CHEK2: variants seen among roughly 807,000 people sequenced by gnomAD.
CHEK2 encodes the protein serine/threonine-protein kinase Chk2.
In CHEK2, 71 loss-of-function variants were observed where a neutral mutation model predicts 69.1. That is an observed-to-expected ratio of 1.03 (90% CI 0.85 to 1.25). The LOEUF is 1.25. CHEK2 is among the 50% of genes most tolerant of loss of function. CHEK2 has a pLI of 0.00. For missense variants in CHEK2, 664 were observed against 649.6 expected (o/e 1.02, Z -0.24); for synonymous variants, 189 against 226.9 (o/e 0.83, Z 1.50).
chr22:28,730,782 C>T lies in CHEK2; in HGVS notation c.319+3621G>A, dbSNP rs112976408. ...CTGAGGCAGGAGAATCGCTTGAAAC[C>T]GGGAGGAGGAGGTTGCGGTGAGCCG... On this transcript the variant is annotated intron_variant, in intron 2 of 14. Transcript: ENST00000404276. Among the ~76,000 whole-genome samples, 7,871 of 152,020 alleles carry T rather than the reference C, an allele frequency of 0.052. 256 individuals are homozygous for T. Among genetic ancestry groups the T allele is most frequent in the African/African-American group, 0.092 (3,801 of 41,478 alleles).
At chr22:28,723,461 G>C (rs1359740024) in intron 4 of CHEK2, among the ~76,000 whole-genome samples, 1 of 151,956 alleles carries the variant, frequency 6.6e-6, no homozygotes, top group Non-Finnish European at 1.5e-5. Flanking sequence ...AGGTGGGCGT[G>C]GTGGCGGGCG....
In CHEK2 at chr22:28,725,340, C is replaced by G. The variant is rs745943179; in HGVS notation, c.347G>C (p.Gly116Ala). 6.2e-7 allele frequency: 1 copy of G among 1,614,078 alleles called. No homozygotes were observed. ...GCAATATTCACAGCTTTTGTCCCTC[C>G]CAAACCAGTAGTTGTCATTCACACA... ...LECVNDNYWFGRDKSCEYCFD... is the reference protein window; with the variant it reads ...LECVNDNYWFARDKSCEYCFD... Residue 116 changes from glycine (G) to alanine (A), a missense_variant, in exon 3 of 15, where the codon GGG (glycine) becomes GCG (alanine). Gly to Ala is a moderately conservative substitution (Grantham distance 60, BLOSUM62 0). Transcript: ENST00000404276.
intron 2 of CHEK2, 50 bp downstream of exon 2, chr22:28,734,353 G>T (rs771904258): frequency 3.2e-6 from 5 of 1,572,032 alleles, no homozygotes; most frequent in Admixed American, 1.7e-5. Flanking sequence ...ACAACTTTCT[G>T]TAAGTGTTTT....
At chr22:28,696,855 A>G in intron 10 of CHEK2, 46 bp downstream of exon 10, 1 of 1,276,574 alleles carries the variant, frequency 7.8e-7, no homozygotes, top group Non-Finnish European at 1.1e-6. Flanking sequence ...AAGTTTCTGA[A>G]CAAGAATCTA....
At chr22:28,696,283 T>A (rs1359842053) in intron 10 of CHEK2, among the ~76,000 whole-genome samples, 2 of 152,158 alleles carry the variant, frequency 1.3e-5, no homozygotes, top group African/African-American at 2.4e-5. Context: ...GCTTCTGAGG[T>A]AAAGCCTGGG....
At chr22:28,738,534 T>A (rs2054477946) in intron 1 of CHEK2, among the ~76,000 whole-genome samples, 1 of 152,184 alleles carries the variant, frequency 6.6e-6, no homozygotes, top group Non-Finnish European at 1.5e-5. Flanking sequence ...AAGTGACGCA[T>A]GTAATACTCC....
At chr22:28,714,482 G>A (rs745596381) in intron 5 of CHEK2, among the ~76,000 whole-genome samples, 1 of 152,090 alleles carries the variant, frequency 6.6e-6, no homozygotes, top group Admixed American at 6.6e-5. Context: ...TTAAATGGCA[G>A]GTTGTTTGTT....
chr22:28,726,598 A>G (rs1264788565), intron 2 of CHEK2, among the ~76,000 whole-genome samples: 1 of 146,626 alleles, frequency 6.8e-6, no homozygotes, highest in Admixed American at 7.0e-5. Context: ...ATCTATTAAT[A>G]TATGTATTTA....
At chr22:28,712,961 G>A (rs968619114) in intron 5 of CHEK2, among the ~76,000 whole-genome samples, 21 of 152,250 alleles carry the variant, frequency 1.4e-4, no homozygotes, top group Admixed American at 1.0e-3. Flanking sequence ...AAGCAATTAA[G>A]CAGTCACTCC....
At chr22:28,706,168 G>C (rs1019353751) in intron 7 of CHEK2, among the ~76,000 whole-genome samples, 17 of 151,926 alleles carry the variant, frequency 1.1e-4, no homozygotes, top group Non-Finnish European at 2.4e-4. Context: ...GAGTGTGGTA[G>C]CACGAACCTG....
At position 28,725,418 on chromosome 22, in the gene CHEK2, C is replaced by T. The variant is rs760235890; in HGVS notation, c.320-51G>A. On this transcript the variant is annotated intron_variant, in intron 2 of 14. Coordinates refer to ENST00000404276, the MANE Select transcript of CHEK2 (RefSeq NM_007194.4). ...GGGCTGTTGAATTTCATGTATCAAA[C>T]GTTTAAAAATTGCTCATAAATGCTA... The T allele has an allele frequency of 1.7e-5, 28 of 1,611,586 alleles. No individual in the cohort carries two copies. In the East Asian group the frequency reaches 3.3e-4, roughly 19 times the overall value.
At chr22:28,716,199 CT>C (rs202194670) in intron 5 of CHEK2, among the ~76,000 whole-genome samples, 48,273 of 135,914 alleles carry the variant, frequency 0.36, 8,515 homozygotes, top group African/African-American at 0.46. Flanking sequence ...TCTTTTTTCT[CT>C]TTTTTTTTTT....
In CHEK2 at chr22:28,730,104, A is replaced by G. The variant is rs558059196; in HGVS notation, c.319+4299T>C. Among the ~76,000 whole-genome samples, 4 of 149,856 alleles carry G rather than the reference A, an allele frequency of 2.7e-5. No homozygotes were observed. The East Asian group carries it at 7.9e-4, about 29-fold the overall frequency. On this transcript the variant is annotated intron_variant, in intron 2 of 14. Transcript: ENST00000404276. ...GTGATCCGCCCACCTCAGCCTCCCA[A>G]AGTGCTTGGATTACAGGCATGAGCC... is the stretch of plus-strand genomic sequence containing the variant.
At chr22:28,711,122 T>C (rs1601780483) in intron 6 of CHEK2, among the ~76,000 whole-genome samples, 1 of 152,226 alleles carries the variant, frequency 6.6e-6, no homozygotes, top group Admixed American at 6.5e-5. Context: ...TTAGAGGCTG[T>C]GTTTTACATT....
intron 4 of CHEK2, among the ~76,000 whole-genome samples, chr22:28,722,974 C>T (rs16986649): frequency 0.012 from 1,821 of 152,220 alleles, 49 homozygotes; most frequent in African/African-American, 0.041. Context: ...AGACACCCTC[C>T]AAGTCATTCG....
intron 8 of CHEK2, among the ~76,000 whole-genome samples, chr22:28,700,759 T>C (rs941458522): frequency 6.6e-6 from 1 of 152,178 alleles, no homozygotes; most frequent in Non-Finnish European, 1.5e-5. Context: ...GAAAAGCTCC[T>C]GGCACAGGTG....
intron 1 of CHEK2, among the ~76,000 whole-genome samples, chr22:28,735,606 G>A (rs1467948179): frequency 6.6e-6 from 1 of 151,914 alleles, no homozygotes; most frequent in African/African-American, 2.4e-5. Flanking sequence ...AGGTGGCCAG[G>A]TGCAGTGGCT....
intron 13 of CHEK2, 59 bp from the exon 14 acceptor site, chr22:28,689,274 G>A (rs1472413346): frequency 1.8e-6 from 2 of 1,125,174 alleles, no homozygotes; most frequent in African/African-American, 3.1e-5. Context: ...CTCCTAGAAT[G>A]ACAGGGCTAG....
chr22:28,741,133 A>T (rs1392876321), intron 1 of CHEK2, among the ~76,000 whole-genome samples: 1 of 142,560 alleles, frequency 7.0e-6, no homozygotes, highest in African/African-American at 2.6e-5. Flanking sequence ...CTGGCAACAG[A>T]GAGAGACTCC....
Sources: allele counts gnomAD v4.1 joint callset (sites outside exome capture counted in the v4.1 genomes callset), GRCh38; gene constraint gnomAD v4.1.1; transcripts MANE v1.5; gene names NCBI Gene and HGNC (gene_info 2026-07-23, HGNC 2026-07-21).